The following TNNI3 variants were observed in gnomAD, a reference collection of about 807,000 sequenced individuals.
TNNI3 encodes troponin I, cardiac muscle.
In TNNI3, 23 loss-of-function variants were observed where a neutral mutation model predicts 31.5. The observed-to-expected ratio is 0.73, with a 90% confidence interval of 0.52 to 1.03. The LOEUF (loss-of-function observed/expected upper bound fraction) is 1.03, where lower values mean the gene tolerates loss of function less well. TNNI3 is among the 50% of genes least tolerant of loss of function. The pLI is 0.00. For synonymous variants in TNNI3, 120 were observed against 111.7 expected, an observed-to-expected ratio of 1.07 and a Z score of -0.47; for missense variants, 236 against 282.9, an observed-to-expected ratio of 0.83 and a Z score of 1.19.
chr19:55,156,466 A>C lies in TNNI3; in HGVS notation c.151-134T>G. Reference sequence around the variant, plus strand: ...TCCAAGGCCCCGTCCCACCCCGAGCAGTACTCCCCGCTAAAGCCACGCCCC... The same window carrying C: ...TCCAAGGCCCCGTCCCACCCCGAGCCGTACTCCCCGCTAAAGCCACGCCCC... On this transcript the variant is annotated intron_variant, in intron 4 of 7. Transcript: ENST00000344887. This position sits in a 1 kb window ranked among gnomAD's most constrained non-coding sequence, Gnocchi z 4.6. 2 of 1,497,808 alleles carry C rather than the reference A, an allele frequency of 1.3e-6. No homozygotes were observed. The highest frequency in any genetic ancestry group is 1.4e-5 in the African/African-American group (1 of 71,888). The allele number at this position is 1,497,808 out of a possible 1,614,324, so 92.8% of individuals were successfully genotyped here.
intron 7 of TNNI3, 38 bp downstream of exon 7, chr19:55,153,992 C>T: frequency 6.2e-7 from 1 of 1,609,750 alleles, no homozygotes; most frequent in East Asian, 2.2e-5. Flanking sequence ...CAGCCCTTCC[C>T]CTCAGCATCC....
chr19:55,154,806 G>C lies in TNNI3; in HGVS notation c.307C>G (p.Arg103Gly), dbSNP rs397516344. The change falls in exon 6 of 8, where the codon CGT becomes GGT. Residue 103 changes from arginine to glycine, a missense_variant. Arg to Gly is a moderately radical substitution (Grantham distance 125). Transcript: ENST00000344887. ...CTCTCTTCATCCACCTTGTCCACAC[G>C]GGCGTGGAGCTGTCGGCACAAGTCC... ...LQDLCRQLHA[R>G]VDKVDEERYD... 6.2e-7 allele frequency: 1 copy of C among 1,614,158 alleles called. No individual in the cohort carries two copies. Among genetic ancestry groups the C allele is most frequent in the African/African-American group, 1.3e-5 (1 of 75,052 alleles).
At chr19:55,153,093 C>T (rs1052253430) in intron 7 of TNNI3, among the ~76,000 whole-genome samples, 4 of 152,046 alleles carry the variant, frequency 2.6e-5, no homozygotes, top group South Asian at 2.1e-4. Context: ...CCACCACACC[C>T]GGTAACTTTG....
chr19:55,156,785 G>T lies in TNNI3; in HGVS notation c.109-141C>A. On this transcript the variant is annotated intron_variant, in intron 3 of 7. Coordinates refer to ENST00000344887, the MANE Select transcript of TNNI3 (RefSeq NM_000363.5). The surrounding 1 kb of genome is among the most constrained non-coding windows in gnomAD (Gnocchi z 4.6). ...CAACTTGAGCCCTGAGTCTACGGGA[G>T]GCCACGCCCCTCATTCCCATCCACC... 1 of 985,302 alleles carries T rather than the reference G, an allele frequency of 1.0e-6. No individual in the cohort carries two copies. The highest frequency in any genetic ancestry group is 1.6e-6 in the Non-Finnish European group (1 of 636,518). The allele number at this position is 985,302 out of a possible 1,614,324, so 61.0% of individuals were successfully genotyped here. A position where few individuals can be genotyped will look rare whatever the true frequency, so the allele number is the denominator to read the frequency against.
chr19:55,154,227 GGGT>G lies in TNNI3; in HGVS notation c.373-24_373-22del. ...GCAATCTGGGGGCACACGAGGGGGT[GGGT>G]ACTTCTCCTTCCATTTCCCGCACAC... On this transcript the variant is annotated intron_variant, in intron 6 of 7. Transcript: ENST00000344887. 2.5e-6 allele frequency: 4 copies of G among 1,608,448 alleles called. No individual in the cohort carries two copies. The East Asian group carries it at 8.9e-5, about 36-fold the overall frequency.
Position 55,157,152 on chromosome 19 carries a change from G to A in TNNI3, c.25-19C>T, listed in dbSNP as rs753154561. ...CCCTAGCCTGGGTTAGGAGGAGTGG[G>A]GACCCCATCACCACCAAGACCCCAC... On this transcript the variant is annotated intron_variant, in intron 2 of 7. Transcript: ENST00000344887. The surrounding 1 kb of genome is among the most constrained non-coding windows in gnomAD (Gnocchi z 6.3). 13 of 1,593,638 alleles carry A rather than the reference G, an allele frequency of 8.2e-6. No individual in the cohort carries two copies. The highest frequency in any genetic ancestry group is 9.4e-6 in the Non-Finnish European group (11 of 1,171,932).
rs142979561 is a variant in TNNI3 at position 55,152,951 on chromosome 19, G to C, written c.550-1034C>G. On this transcript the variant is annotated intron_variant, in intron 7 of 7. Transcript: ENST00000344887. This position sits in a 1 kb window ranked among gnomAD's most constrained non-coding sequence, Gnocchi z 4.0. ...AGTAGCTGGGATTACAGGCACCCAC[G>C]ACCACGCCCAGCAAATGTTTGTATT... Among the ~76,000 whole-genome samples the C allele has an allele frequency of 3.1e-3, 478 of 152,022 alleles. 3 individuals carry two copies. The highest frequency in any genetic ancestry group is 0.011 in the African/African-American group (449 of 41,450).
In TNNI3 at chr19:55,152,480, A is replaced by G. The variant is rs1009797679; in HGVS notation, c.550-563T>C. ...AGCCTAACGCCAGGTCATAATGCCT[A>G]TGTCATCCACCTCACCTCATCTCAG... is the stretch of plus-strand genomic sequence containing the variant. On this transcript the variant is annotated intron_variant, in intron 7 of 7. Coordinates refer to ENST00000344887, the MANE Select transcript of TNNI3 (RefSeq NM_000363.5). The surrounding 1 kb of genome is among the most constrained non-coding windows in gnomAD (Gnocchi z 4.0). 5.3e-5 allele frequency among the ~76,000 whole-genome samples: 8 copies of G among 152,232 alleles called. No individual in the cohort carries two copies. The highest frequency in any genetic ancestry group is 1.9e-4 in the African/African-American group (8 of 41,460).
In TNNI3 at chr19:55,156,854, T is replaced by TA; in HGVS notation, c.108+195dup. On this transcript the variant is annotated intron_variant, in intron 3 of 7. Transcript: ENST00000344887. This position sits in a 1 kb window ranked among gnomAD's most constrained non-coding sequence, Gnocchi z 4.6. ...TGGATAGGCACTTCCCATCTATCCCTAAGCAAGTCCGAGGGCAACGGAGTT... is the reference window on the plus strand; with the variant it reads ...TGGATAGGCACTTCCCATCTATCCCTAAAGCAAGTCCGAGGGCAACGGAGTT... 1.2e-6 allele frequency: 1 copy of TA among 844,942 alleles called. No homozygotes were observed. The highest frequency in any genetic ancestry group is 1.9e-6 in the Non-Finnish European group (1 of 522,752). The allele number at this position is 844,942 out of a possible 1,614,324, so 52.3% of individuals were successfully genotyped here. A position where few individuals can be genotyped will look rare whatever the true frequency, so the allele number is the denominator to read the frequency against.
rs150319832 is a variant in TNNI3 at position 55,152,511 on chromosome 19, A to G, written c.550-594T>C. Among the ~76,000 whole-genome samples, 168 of 152,350 alleles carry G rather than the reference A, an allele frequency of 1.1e-3. No homozygotes were observed. Among genetic ancestry groups the G allele is most frequent in the Non-Finnish European group, 2.1e-3 (140 of 68,028 alleles). Reference sequence around the variant, plus strand: ...TCCACCTCACCTCATCTCAGCACATAGGCACTGTCATTTTACATCACAAGG... The same window carrying G: ...TCCACCTCACCTCATCTCAGCACATGGGCACTGTCATTTTACATCACAAGG... On this transcript the variant is annotated intron_variant, in intron 7 of 7. Coordinates refer to ENST00000344887, the MANE Select transcript of TNNI3 (RefSeq NM_000363.5). The surrounding 1 kb of genome is among the most constrained non-coding windows in gnomAD (Gnocchi z 4.0).
At position 55,156,065 on chromosome 19, in the gene TNNI3, G is replaced by T; in HGVS notation, c.282+136C>A. The T allele has an allele frequency of 7.5e-7, 1 of 1,334,534 alleles. No individual in the cohort carries two copies. Among genetic ancestry groups the T allele is most frequent in the Non-Finnish European group, 1.1e-6 (1 of 942,850 alleles). 82.7% of individuals were successfully genotyped at this position (1,334,534 alleles called of 1,614,324 possible). ...GACCTGCACACAAAGGGTGTTAGGG[G>T]CCAGGAGTCCCACGAACCATATATA... On this transcript the variant is annotated intron_variant, in intron 5 of 7. Coordinates refer to ENST00000344887, the MANE Select transcript of TNNI3 (RefSeq NM_000363.5). This position sits in a 1 kb window ranked among gnomAD's most constrained non-coding sequence, Gnocchi z 4.6.
rs1384960650 is a variant in TNNI3 at position 55,156,611 on chromosome 19, G to A, written c.142C>T (p.Gln48Ter). 1 of 1,564,524 alleles carries A rather than the reference G, an allele frequency of 6.4e-7. No individual in the cohort carries two copies. Among genetic ancestry groups the A allele is most frequent in the Non-Finnish European group, 8.7e-7 (1 of 1,152,856 alleles). ...GTCCCGCCCGTCCTCACCTTCAGCT[G>A]CAATTTTCTCGAGGCGGAGATCTTA... The part of the protein sequence containing the change: ...KSKISASRKL[Q>*]LKTLLLQIAK... The change falls in exon 4 of 8, where the codon CAG (glutamine) becomes TAG (stop). Residue 48 changes from glutamine to a stop codon, truncating the protein, a stop_gained. Coordinates refer to ENST00000344887, the MANE Select transcript of TNNI3 (RefSeq NM_000363.5). LOFTEE classifies it high-confidence loss of function. This position sits in a 1 kb window ranked among gnomAD's most constrained non-coding sequence, Gnocchi z 4.6.
Position 55,156,622 on chromosome 19 carries a change from G to T in TNNI3, c.131C>A (p.Ser44Ter). The stretch of plus-strand genomic sequence containing the variant: ...CCTCACCTTCAGCTGCAATTTTCTC[G>T]AGGCGGAGATCTTAGATTTTTTCTG... ...HAKKKSKISA[S>*]RKLQLKTLLL... Residue 44 changes from serine (S) to a stop codon, truncating the protein, a stop_gained, in exon 4 of 8, where the codon TCG (serine) becomes TAG (stop). Coordinates refer to ENST00000344887, the MANE Select transcript of TNNI3 (RefSeq NM_000363.5). LOFTEE classifies it high-confidence loss of function. This position sits in a 1 kb window ranked among gnomAD's most constrained non-coding sequence, Gnocchi z 4.6. 1 of 1,565,288 alleles carries T rather than the reference G, an allele frequency of 6.4e-7. No homozygotes were observed. Among genetic ancestry groups the T allele is most frequent in the Non-Finnish European group, 8.7e-7 (1 of 1,153,328 alleles).
intron 5 of TNNI3, among the ~76,000 whole-genome samples, chr19:55,155,816 A>G (rs1159522977): frequency 2.5e-5 from 1 of 39,606 alleles, no homozygotes; most frequent in Non-Finnish European, 4.9e-5. Context: ...CTGAGGGAGG[A>G]GGGGCTGGGG....
In TNNI3 at chr19:55,157,544, G is replaced by A. The variant is rs1417389481; in HGVS notation, c.11+35C>T. On this transcript the variant is annotated intron_variant, in intron 1 of 7. Coordinates refer to ENST00000344887, the MANE Select transcript of TNNI3 (RefSeq NM_000363.5). This position sits in a 1 kb window ranked among gnomAD's most constrained non-coding sequence, Gnocchi z 6.3. ...ACCCCTCTTGGGAACCCGGGAGGTC[G>A]CCCCCAACTCCCACTGCCTTGGGGC... The A allele has an allele frequency of 8.1e-6, 13 of 1,612,290 alleles. No individual in the cohort carries two copies. The highest frequency in any genetic ancestry group is 1.6e-4 in the Middle Eastern group (1 of 6,078).
In TNNI3 at chr19:55,156,567, A is replaced by G. The variant is rs1242757922; in HGVS notation, c.150+36T>C. On this transcript the variant is annotated intron_variant, in intron 4 of 7. Coordinates refer to ENST00000344887, the MANE Select transcript of TNNI3 (RefSeq NM_000363.5). The surrounding 1 kb of genome is among the most constrained non-coding windows in gnomAD (Gnocchi z 4.6). ...CATTCTCAAGCTCCGCCCCCTGAGCACCTGCCTGCTCTTTCCCAGTCCCGC... is the reference window on the plus strand; with the variant it reads ...CATTCTCAAGCTCCGCCCCCTGAGCGCCTGCCTGCTCTTTCCCAGTCCCGC... 5.8e-6 allele frequency: 9 copies of G among 1,551,672 alleles called. No homozygotes were observed. Among genetic ancestry groups the G allele is most frequent in the Admixed American group, 2.0e-5 (1 of 51,214 alleles).
chr19:55,156,483 C>A lies in TNNI3; in HGVS notation c.150+120G>T. 1 of 1,509,434 alleles carries A rather than the reference C, an allele frequency of 6.6e-7. No individual in the cohort carries two copies. The allele number at this position is 1,509,434 out of a possible 1,614,324, so 93.5% of individuals were successfully genotyped here. ...CCCCGAGCAGTACTCCCCGCTAAAG[C>A]CACGCCCCGAGCGGCCAAACCCCGC... is the stretch of plus-strand genomic sequence containing the variant. On this transcript the variant is annotated intron_variant, in intron 4 of 7. Transcript: ENST00000344887. The surrounding 1 kb of genome is among the most constrained non-coding windows in gnomAD (Gnocchi z 4.6).
In TNNI3 at chr19:55,156,062, G is replaced by T. The variant is rs1204658573; in HGVS notation, c.282+139C>A. 2 of 1,306,760 alleles carry T rather than the reference G, an allele frequency of 1.5e-6. No individual in the cohort carries two copies. Among genetic ancestry groups the T allele is most frequent in the African/African-American group, 1.5e-5 (1 of 68,718 alleles). 80.9% of individuals were successfully genotyped at this position (1,306,760 alleles called of 1,614,324 possible). On this transcript the variant is annotated intron_variant, in intron 5 of 7. Coordinates refer to ENST00000344887, the MANE Select transcript of TNNI3 (RefSeq NM_000363.5). The surrounding 1 kb of genome is among the most constrained non-coding windows in gnomAD (Gnocchi z 4.6). ...ACAGACCTGCACACAAAGGGTGTTA[G>T]GGGCCAGGAGTCCCACGAACCATAT... is the stretch of plus-strand genomic sequence containing the variant.
At chr19:55,154,334 G>C in intron 6 of TNNI3, 128 bp from the exon 7 acceptor site, 1 of 986,020 alleles carries the variant, frequency 1.0e-6, no homozygotes, top group East Asian at 2.6e-5. Context: ...GTCTCTTCCC[G>C]GCTTAGGCTC....
Sources: allele counts gnomAD v4.1 joint callset (sites outside exome capture counted in the v4.1 genomes callset), GRCh38; gene constraint gnomAD v4.1.1; non-coding constraint Gnocchi (gnomAD v3.1); transcripts MANE v1.5; gene names NCBI Gene and HGNC (gene_info 2026-07-23, HGNC 2026-07-21).